RGS7: variants seen among roughly 807,000 people sequenced by gnomAD.
RGS7 encodes the protein regulator of G-protein signaling 7.
Under a neutral mutation model 81.1 loss-of-function variants are expected in RGS7, and 27 were observed. The ratio of observed to expected loss-of-function variants is 0.33; its 90% CI spans 0.25 to 0.46. RGS7 has a LOEUF of 0.46. Among genes scored for constraint, RGS7 ranks in the 20% least tolerant of loss-of-function variants. RGS7 has a pLI of 1.00. For missense variants in RGS7, 396 were observed against 607.4 expected, an observed-to-expected ratio of 0.65 and a Z score of 3.66; for synonymous variants, 208 against 207.7, an observed-to-expected ratio of 1.00 and a Z score of -0.01.
chr1:241,306,403 C>A (rs1290561911), intron 2 of RGS7, among the ~76,000 whole-genome samples: 1 of 143,320 alleles, frequency 7.0e-6, no homozygotes, highest in Non-Finnish European at 1.5e-5. Flanking sequence ...TTACACACAC[C>A]CTCACATGCA....
At chr1:240,994,778 C>T (rs1036279868) in intron 3 of RGS7, among the ~76,000 whole-genome samples, 1 of 151,878 alleles carries the variant, frequency 6.6e-6, no homozygotes, top group South Asian at 2.1e-4. Flanking sequence ...ATAAAGTAAA[C>T]TTATTATTAT....
At chr1:241,194,777 A>C (rs564416741) in intron 2 of RGS7, among the ~76,000 whole-genome samples, 1 of 152,328 alleles carries the variant, frequency 6.6e-6, no homozygotes, top group East Asian at 1.9e-4. Context: ...AATCTGACAG[A>C]GGCAAGCCAA....
At chr1:240,974,619 A>T (rs1260554522) in intron 4 of RGS7, among the ~76,000 whole-genome samples, 1 of 152,240 alleles carries the variant, frequency 6.6e-6, no homozygotes, top group African/African-American at 2.4e-5. Flanking sequence ...TAAACTAAGC[A>T]ACAGATAAAG....
At chr1:241,155,916 G>A (rs1386331435) in intron 2 of RGS7, among the ~76,000 whole-genome samples, 1 of 152,088 alleles carries the variant, frequency 6.6e-6, no homozygotes, top group Non-Finnish European at 1.5e-5. Context: ...TAAGCCTCAA[G>A]TACTTCTTAG....
chr1:241,127,454 A>G (rs911277055), intron 2 of RGS7, among the ~76,000 whole-genome samples: 1 of 152,162 alleles, frequency 6.6e-6, no homozygotes, highest in Admixed American at 6.5e-5. Context: ...AAAAAACCAA[A>G]CACCGCATGT....
chr1:240,835,075 A>G (rs1409204662), intron 9 of RGS7, among the ~76,000 whole-genome samples: 1 of 152,190 alleles, frequency 6.6e-6, no homozygotes, highest in Non-Finnish European at 1.5e-5. Flanking sequence ...TACCCTATCG[A>G]AGGCACAATC....
chr1:241,032,930 G>T (rs747621071), intron 3 of RGS7, among the ~76,000 whole-genome samples: 90 of 151,986 alleles, frequency 5.9e-4, no homozygotes, highest in Admixed American at 1.1e-3. Context: ...AGCAAGCAGA[G>T]ATAATTTGAT....
chr1:241,333,728 A>C (rs1413180486), intron 2 of RGS7, among the ~76,000 whole-genome samples: 1 of 151,848 alleles, frequency 6.6e-6, no homozygotes, highest in Non-Finnish European at 1.5e-5. Flanking sequence ...TCTTATTTTC[A>C]TTAAGGATAT....
intron 3 of RGS7, among the ~76,000 whole-genome samples, chr1:241,051,749 T>A (rs1422842084): frequency 6.6e-6 from 1 of 152,200 alleles, no homozygotes; most frequent in African/African-American, 2.4e-5. Context: ...CATCAACAGA[T>A]AACGGCTAAC....
intron 3 of RGS7, among the ~76,000 whole-genome samples, chr1:241,082,442 T>C (rs920536900): frequency 2.6e-5 from 4 of 152,258 alleles, no homozygotes; most frequent in African/African-American, 9.6e-5. Context: ...AATTTTGTAC[T>C]GTTCCTTCGA....
At chr1:240,955,551 C>CAAAAAAAAAAAAAAAAAAAAAAAAAAAAA (rs369155474) in intron 4 of RGS7, among the ~76,000 whole-genome samples, 7 of 140,274 alleles carry the variant, frequency 5.0e-5, no homozygotes, top group Non-Finnish European at 6.1e-5. Flanking sequence ...GACTCTGTCT[C>CAAAAAAAAAAAAAAAAAAAAAAAAAAAAA]AAAAAAAAAA....
intron 18 of RGS7, among the ~76,000 whole-genome samples, chr1:240,800,268 T>C (rs906950174): frequency 6.6e-6 from 1 of 152,180 alleles, no homozygotes; most frequent in South Asian, 2.1e-4. Flanking sequence ...CAAAATTTCA[T>C]AAAATTTATT....
intron 18 of RGS7, among the ~76,000 whole-genome samples, chr1:240,799,003 A>C (rs958336605): frequency 7.2e-5 from 11 of 152,130 alleles, no homozygotes; most frequent in African/African-American, 2.4e-4. Flanking sequence ...TATTTTATTG[A>C]TCCTATAAAG....
chr1:241,247,990 A>G lies in RGS7; in HGVS notation c.78+107709T>C, dbSNP rs564334449. Reference sequence around the variant, plus strand: ...TTTTCTGTATCTTCACTAATGGTCCATCACTTGTTCTGTAAATTACTGAGA... The same window carrying G: ...TTTTCTGTATCTTCACTAATGGTCCGTCACTTGTTCTGTAAATTACTGAGA... On this transcript the variant is annotated intron_variant, in intron 2 of 18. Transcript: ENST00000440928. Among the ~76,000 whole-genome samples the G allele has an allele frequency of 6.6e-5, 10 of 152,332 alleles. No individual in the cohort carries two copies. In the South Asian group the frequency reaches 1.4e-3, roughly 22 times the overall value.
chr1:241,350,742 A>T (rs1382191434), intron 2 of RGS7, among the ~76,000 whole-genome samples: 1 of 3,166 alleles, frequency 3.2e-4, no homozygotes, highest in African/African-American at 8.7e-4. Flanking sequence ...ACCCCATCTC[A>T]AAAAAAAAAA....
chr1:240,986,988 C>A (rs1466024581), intron 3 of RGS7, among the ~76,000 whole-genome samples: 2 of 152,196 alleles, frequency 1.3e-5, no homozygotes. Flanking sequence ...CTTACCTGTG[C>A]CCCCTGCAGA....
chr1:240,824,249 T>C (rs1330419999), intron 10 of RGS7, among the ~76,000 whole-genome samples: 2 of 152,238 alleles, frequency 1.3e-5, no homozygotes, highest in Non-Finnish European at 2.9e-5. Context: ...CTTTAGGGAT[T>C]TACTGGGTCC....
intron 2 of RGS7, among the ~76,000 whole-genome samples, chr1:241,222,076 A>G (rs1385302151): frequency 1.3e-5 from 2 of 152,296 alleles, no homozygotes; most frequent in East Asian, 3.9e-4. Context: ...TCTTTGTTGG[A>G]AGTCCTCTTG....
At chr1:241,236,201 T>G (rs2075968038) in intron 2 of RGS7, among the ~76,000 whole-genome samples, 1 of 144,038 alleles carries the variant, frequency 6.9e-6, no homozygotes, top group Non-Finnish European at 1.5e-5. Flanking sequence ...AATAACTGAA[T>G]GCATGAATAC....
Sources: allele counts gnomAD v4.1 joint callset (sites outside exome capture counted in the v4.1 genomes callset), GRCh38; gene constraint gnomAD v4.1.1; transcripts MANE v1.5; gene names NCBI Gene and HGNC (gene_info 2026-07-23, HGNC 2026-07-21).